TRIM69: variants seen among roughly 807,000 people sequenced by gnomAD.
TRIM69 encodes E3 ubiquitin-protein ligase TRIM69.
Under a neutral mutation model 37.7 loss-of-function variants are expected in TRIM69, and 29 were observed. The observed-to-expected ratio is 0.77, with a 90% confidence interval of 0.57 to 1.05. The LOEUF is 1.05. Ranked by LOEUF, TRIM69 falls within the 50% of genes least tolerant of loss-of-function variation. The pLI, the probability that TRIM69 is intolerant of heterozygous loss-of-function variation, is 0.00. For synonymous variants in TRIM69, 209 were observed against 212.4 expected (o/e 0.98, Z 0.14); for missense variants, 596 against 579.9 (o/e 1.03, Z -0.28).
At chr15:44,739,494 A>G (rs1425915275) in intron 1 of TRIM69, among the ~76,000 whole-genome samples, 1 of 152,220 alleles carries the variant, frequency 6.6e-6, no homozygotes, top group Non-Finnish European at 1.5e-5. Flanking sequence ...GGGGTGACAG[A>G]CGGCACCTGG....
intron 6 of TRIM69, among the ~76,000 whole-genome samples, chr15:44,760,903 T>C (rs888893085): frequency 2.0e-5 from 3 of 152,060 alleles, no homozygotes; most frequent in African/African-American, 7.2e-5. Context: ...TGTCTTCTGG[T>C]TTTTTTCACT....
chr15:44,743,512 T>C (rs1412888367), intron 1 of TRIM69, among the ~76,000 whole-genome samples: 1 of 152,086 alleles, frequency 6.6e-6, no homozygotes, highest in African/African-American at 2.4e-5. Context: ...GAAACTACCA[T>C]CAGAGTGAAC....
At chr15:44,762,537 G>A (rs1384895023) in intron 6 of TRIM69, among the ~76,000 whole-genome samples, 3 of 151,578 alleles carry the variant, frequency 2.0e-5, no homozygotes, top group Admixed American at 6.6e-5. Context: ...TCATGTCATC[G>A]ATATTCAGTA....
Position 44,738,644 on chromosome 15 carries a change from C to G in TRIM69, c.6+1934C>G, listed in dbSNP as rs1163863562. Reference sequence around the variant, plus strand: ...GATCCATTTAATAAATTCAATTCCACAAAACATATTGATGGGCTCTCTGCT... The same window carrying G: ...GATCCATTTAATAAATTCAATTCCAGAAAACATATTGATGGGCTCTCTGCT... On this transcript the variant is annotated intron_variant, in intron 1 of 6. Coordinates refer to ENST00000329464, the MANE Select transcript of TRIM69 (RefSeq NM_182985.5). 2.6e-5 allele frequency among the ~76,000 whole-genome samples: 4 copies of G among 152,160 alleles called. No individual in the cohort carries two copies. The East Asian group carries it at 7.7e-4, about 29-fold the overall frequency.
intron 1 of TRIM69, among the ~76,000 whole-genome samples, chr15:44,741,902 G>C (rs1415234743): frequency 6.6e-6 from 1 of 152,102 alleles, no homozygotes; most frequent in Non-Finnish European, 1.5e-5. Context: ...GGAGGAACTG[G>C]TACCATTCCT....
chr15:44,754,800 T>G (rs776053774), intron 1 of TRIM69, 100 bp from the exon 2 acceptor site: 19 of 851,112 alleles, frequency 2.2e-5, no homozygotes, highest in Non-Finnish European at 3.2e-5. Context: ...TTACTTTAGT[T>G]GTACCAATTT....
intron 1 of TRIM69, among the ~76,000 whole-genome samples, chr15:44,746,413 A>G (rs2087408066): frequency 6.6e-6 from 1 of 152,228 alleles, no homozygotes; most frequent in African/African-American, 2.4e-5. Context: ...AGACAAAGAC[A>G]TAAAAAAAGC....
intron 1 of TRIM69, among the ~76,000 whole-genome samples, chr15:44,751,080 C>T (rs1026267488): frequency 6.6e-6 from 1 of 150,444 alleles, no homozygotes; most frequent in Non-Finnish European, 1.5e-5. Flanking sequence ...CTCAGTCTCC[C>T]AAATAGCTGG....
rs2087917818 is a variant in TRIM69 at position 44,767,311 on chromosome 15, G to C, written c.1042G>C (p.Gly348Arg). The C allele has an allele frequency of 6.2e-7, 1 of 1,613,934 alleles. No homozygotes were observed. The highest frequency in any genetic ancestry group is 1.3e-5 in the African/African-American group (1 of 74,892). The change falls in exon 7 of 7, where the codon GGT (glycine) becomes CGT (arginine). Residue 348 changes from glycine to arginine, a missense_variant. Gly to Arg is a moderately radical substitution (Grantham distance 125). Coordinates refer to ENST00000329464, the MANE Select transcript of TRIM69 (RefSeq NM_182985.5). ...LSKSQTSVWHGDIKKIMPDDP... is the reference protein window; with the variant it reads ...LSKSQTSVWHRDIKKIMPDDP... ...CAAAAGCCAAACCAGCGTCTGGCAT[G>C]GTGACATTAAGAAGATAATGCCTGA...
chr15:44,767,401 T>C lies in TRIM69; in HGVS notation c.1132T>C (p.Trp378Arg). The change falls in exon 7 of 7, where the codon TGG becomes CGG. Residue 378 changes from tryptophan (W) to arginine (R), a missense_variant. Coordinates refer to ENST00000329464, the MANE Select transcript of TRIM69 (RefSeq NM_182985.5). ...CTCAAGAGGCTTCACCTCTGGAAAG[T>C]GGTACTGGGAAGTAGAAGTAGCAAA... is the stretch of plus-strand genomic sequence containing the variant. ...LGSRGFTSGK[W>R]YWEVEVAKKT... is the part of the protein sequence containing the mutation. 1 of 1,614,050 alleles carries C rather than the reference T, an allele frequency of 6.2e-7. No individual in the cohort carries two copies. The highest frequency in any genetic ancestry group is 8.5e-7 in the Non-Finnish European group (1 of 1,179,996).
chr15:44,743,749 A>T (rs1027580054), intron 1 of TRIM69, among the ~76,000 whole-genome samples: 11 of 152,204 alleles, frequency 7.2e-5, no homozygotes, highest in African/African-American at 2.7e-4. Flanking sequence ...AATCAAAACC[A>T]CAATGAGATA....
chr15:44,751,094 T>C (rs2141322439), intron 1 of TRIM69, among the ~76,000 whole-genome samples: 1 of 150,954 alleles, frequency 6.6e-6, no homozygotes, highest in African/African-American at 2.4e-5. Context: ...TAGCTGGAAT[T>C]ACAGGTGCAT....
At chr15:44,763,329 T>A (rs2087817372) in intron 6 of TRIM69, among the ~76,000 whole-genome samples, 1 of 152,222 alleles carries the variant, frequency 6.6e-6, no homozygotes, top group Admixed American at 6.5e-5. Flanking sequence ...GGTTATTAAT[T>A]GGGAGAGGAA....
chr15:44,739,412 G>A (rs564266564), intron 1 of TRIM69, among the ~76,000 whole-genome samples: 10 of 152,354 alleles, frequency 6.6e-5, no homozygotes, highest in African/African-American at 1.2e-4. Flanking sequence ...TGCGTGAGCC[G>A]AAGCAGGGCG....
intron 6 of TRIM69, among the ~76,000 whole-genome samples, chr15:44,766,492 C>T (rs1479002161): frequency 6.6e-6 from 1 of 152,100 alleles, no homozygotes; most frequent in African/African-American, 2.4e-5. Flanking sequence ...GTTTTTAATC[C>T]ATTTCTTTCT....
At chr15:44,741,072 C>T (rs1269857690) in intron 1 of TRIM69, among the ~76,000 whole-genome samples, 52 of 145,328 alleles carry the variant, frequency 3.6e-4, no homozygotes, top group South Asian at 1.1e-3. Context: ...GGAAGTAAAG[C>T]TCTCCTCAGC....
intron 6 of TRIM69, among the ~76,000 whole-genome samples, chr15:44,760,344 A>C (rs937949344): frequency 6.6e-6 from 1 of 152,210 alleles, no homozygotes; most frequent in Non-Finnish European, 1.5e-5. Flanking sequence ...TTAAATAAAC[A>C]TACCTAAGAA....
chr15:44,746,484 A>C (rs1480542340), intron 1 of TRIM69, among the ~76,000 whole-genome samples: 1 of 152,236 alleles, frequency 6.6e-6, no homozygotes, highest in East Asian at 1.9e-4. Context: ...AAAGTTTTAA[A>C]AGATAATAGC....
At chr15:44,746,606 C>T (rs2087412551) in intron 1 of TRIM69, among the ~76,000 whole-genome samples, 1 of 152,116 alleles carries the variant, frequency 6.6e-6, no homozygotes, top group Admixed American at 6.5e-5. Flanking sequence ...TTTGCATTCC[C>T]ATTCCTGTGG....
Sources: allele counts gnomAD v4.1 joint callset (sites outside exome capture counted in the v4.1 genomes callset), GRCh38; gene constraint gnomAD v4.1.1; transcripts MANE v1.5; gene names NCBI Gene and HGNC (gene_info 2026-07-23, HGNC 2026-07-21).